NR5A1: variants seen among roughly 807,000 people sequenced by gnomAD.
The protein encoded by NR5A1 is steroidogenic factor 1.
In NR5A1, 6 loss-of-function variants were observed where a neutral mutation model predicts 42.7. The observed-to-expected ratio is 0.14, with a 90% confidence interval of 0.08 to 0.28. The LOEUF is 0.28. Ranked by LOEUF, NR5A1 falls within the 10% of genes least tolerant of loss-of-function variation. The probability of loss-of-function intolerance (pLI) is 1.00; values close to 1 mark genes in which losing one functional copy is unlikely to be tolerated. For missense variants in NR5A1, 442 were observed against 626.4 expected (o/e 0.71, Z 3.14); for synonymous variants, 274 against 277.5 (o/e 0.99, Z 0.12).
At chr9:124,493,349 A>G (rs1183243338) in intron 4 of NR5A1, among the ~76,000 whole-genome samples, 200 bp from the exon 5 acceptor site, 1 of 152,184 alleles carries the variant, frequency 6.6e-6, no homozygotes, top group Non-Finnish European at 1.5e-5. Context: ...TTGGGGGTTG[A>G]ATGGGCCAGG....
chr9:124,482,708 G>GGCCCC lies in NR5A1; in HGVS notation c.*49_*50insGGGGC. ...GCGGTGTGGCTGCGGCCCCGCCCAG[G>GGCCCC]CCCCGCCCCCAGTCCCGCCCCCAGT... On this transcript the variant is annotated 3_prime_UTR_variant, in exon 7 of 7. Transcript: ENST00000373588. The GGCCCC allele has an allele frequency of 1.8e-6, 1 of 558,002 alleles. No homozygotes were observed. Among genetic ancestry groups the GGCCCC allele is most frequent in the Non-Finnish European group, 3.2e-6 (1 of 308,298 alleles). The allele number at this position is 558,002 out of a possible 1,614,324, so 34.6% of individuals were successfully genotyped here. A position where few individuals can be genotyped will look rare whatever the true frequency, so the allele number is the denominator to read the frequency against.
At position 124,481,361 on chromosome 9, in the gene NR5A1, G is replaced by C. The variant is rs1045273219; in HGVS notation, c.*1397C>G. On this transcript the variant is annotated 3_prime_UTR_variant, in exon 7 of 7. Coordinates refer to ENST00000373588, the MANE Select transcript of NR5A1 (RefSeq NM_004959.5). ...GCACATGTTTCAGGGGGCGGGGAGG[G>C]GAGGTACTGAGACAGGGTGGCGGGA... is the stretch of plus-strand genomic sequence containing the variant. The C allele has an allele frequency of 6.6e-6, 1 of 151,992 alleles. No homozygotes were observed. Among genetic ancestry groups the C allele is most frequent in the African/African-American group, 2.4e-5 (1 of 41,260 alleles). The allele number at this position is 151,992 out of a possible 1,614,324, so 9.4% of individuals were successfully genotyped here.
intron 4 of NR5A1, among the ~76,000 whole-genome samples, chr9:124,499,273 G>A (rs575916793): frequency 6.6e-6 from 1 of 152,324 alleles, no homozygotes; most frequent in East Asian, 1.9e-4. Flanking sequence ...TCTTTCCTAT[G>A]TCTAGCCTCA....
intron 4 of NR5A1, among the ~76,000 whole-genome samples, chr9:124,493,675 G>A (rs574744564): frequency 5.9e-5 from 9 of 152,330 alleles, no homozygotes; most frequent in African/African-American, 2.2e-4. Flanking sequence ...CCGGGCCTAC[G>A]CAGAGCTCTC....
At position 124,503,315 on chromosome 9, in the gene NR5A1, C is replaced by T. The variant is rs765969078; in HGVS notation, c.81G>A (p.Leu27=). Residue 27 remains leucine (L), a synonymous_variant, in exon 2 of 7, where the codon CTG becomes CTA. Coordinates refer to ENST00000373588, the MANE Select transcript of NR5A1 (RefSeq NM_004959.5). This position sits in a 1 kb window ranked among gnomAD's most constrained non-coding sequence, Gnocchi z 9.6. ...TCACCTTGCAGCTCTCACACGTGAG[C>T]AGTCCGTAGTGGTAGCCGGACACCT... ...GDKVSGYHYG[L]LTCESCKGFF... is the part of the protein sequence containing the mutation. The T allele has an allele frequency of 6.2e-7, 1 of 1,611,732 alleles. No homozygotes were observed. The highest frequency in any genetic ancestry group is 8.5e-7 in the Non-Finnish European group (1 of 1,179,462).
chr9:124,485,084 G>C (rs1184962532), intron 6 of NR5A1, among the ~76,000 whole-genome samples: 1 of 152,156 alleles, frequency 6.6e-6, no homozygotes, highest in African/African-American at 2.4e-5. Flanking sequence ...TGGAGGGGGA[G>C]AGCCAGGGTC....
At chr9:124,492,050 C>G (rs1023892736) in intron 5 of NR5A1, among the ~76,000 whole-genome samples, 1 of 152,148 alleles carries the variant, frequency 6.6e-6, no homozygotes, top group Admixed American at 6.5e-5. Flanking sequence ...CCTCCTGCCC[C>G]GATGGCCTGT....
chr9:124,507,134 C>T (rs1832574472), intron 1 of NR5A1, 115 bp downstream of exon 1: 1 of 152,464 alleles, frequency 6.6e-6, no homozygotes, highest in African/African-American at 2.4e-5. Flanking sequence ...CCTTCCCTGC[C>T]CAGAGCAGGG....
intron 5 of NR5A1, 98 bp downstream of exon 5, chr9:124,492,932 C>A: frequency 7.2e-7 from 1 of 1,379,362 alleles, no homozygotes; most frequent in South Asian, 1.5e-5. Context: ...CAGAGCCAGC[C>A]CCGAGAGGCC....
At chr9:124,484,241 G>A (rs1043791241) in intron 6 of NR5A1, among the ~76,000 whole-genome samples, 10 of 152,174 alleles carry the variant, frequency 6.6e-5, no homozygotes, top group African/African-American at 2.4e-4. Flanking sequence ...AAAATCCTAA[G>A]CCAAAGCTCA....
chr9:124,500,455 G>A lies in NR5A1; in HGVS notation c.505C>T (p.Leu169=), dbSNP rs779656014. 6.3e-7 allele frequency: 1 copy of A among 1,590,082 alleles called. No individual in the cohort carries two copies. The highest frequency in any genetic ancestry group is 8.5e-7 in the Non-Finnish European group (1 of 1,170,074). Reference sequence around the variant, plus strand: ...TGGGCACCGGGCACGGCCATGGGCAGTGCTGGGGCCCCAAAGTCGCCCAGT... The same window carrying A: ...TGGGCACCGGGCACGGCCATGGGCAATGCTGGGGCCCCAAAGTCGCCCAGT... ...GPLGDFGAPA[L]PMAVPGAHGP... Residue 169 remains leucine (L), a synonymous_variant, in exon 4 of 7, where the codon CTG becomes TTG. Transcript: ENST00000373588. The surrounding 1 kb of genome is among the most constrained non-coding windows in gnomAD (Gnocchi z 6.9).
rs1157103327 is a variant in NR5A1 at position 124,498,569 on chromosome 9, CG to C, written c.870+1520del. The stretch of plus-strand genomic sequence containing the variant: ...TGCCCTGCTCCTCCTCCCCTCTGCA[CG>C]GGGGGTGCATGGGAAGTCTGGAGGG... On this transcript the variant is annotated intron_variant, in intron 4 of 6. Transcript: ENST00000373588. The surrounding 1 kb of genome is among the most constrained non-coding windows in gnomAD (Gnocchi z 4.6). Among the ~76,000 whole-genome samples, 7 of 152,198 alleles carry C rather than the reference CG, an allele frequency of 4.6e-5. No individual in the cohort carries two copies. The highest frequency in any genetic ancestry group is 8.8e-5 in the Non-Finnish European group (6 of 68,028).
At chr9:124,486,562 A>G (rs922713657) in intron 6 of NR5A1, among the ~76,000 whole-genome samples, 3 of 152,060 alleles carry the variant, frequency 2.0e-5, no homozygotes, top group Non-Finnish European at 4.4e-5. Flanking sequence ...TTTATGTCCC[A>G]TGCCATCCAT....
chr9:124,504,857 C>G (rs1046282294), intron 1 of NR5A1, among the ~76,000 whole-genome samples: 1 of 145,876 alleles, frequency 6.9e-6, no homozygotes, highest in Non-Finnish European at 1.5e-5. Context: ...GCGCGGGGGC[C>G]TCGGCTCCCC....
rs1395103825 is a variant in NR5A1, at chr9:124,496,300, G to A, written c.871-3151C>T. Among the ~76,000 whole-genome samples the A allele has an allele frequency of 6.6e-6, 1 of 152,190 alleles. No homozygotes were observed. Among genetic ancestry groups the A allele is most frequent in the African/African-American group, 2.4e-5 (1 of 41,448 alleles). ...TGGCTAAGAGGTTCCTTTAACCAGA[G>A]AGGGTTGGTTTTCACTTTCCGAAGT... On this transcript the variant is annotated intron_variant, in intron 4 of 6. Coordinates refer to ENST00000373588, the MANE Select transcript of NR5A1 (RefSeq NM_004959.5). The surrounding 1 kb of genome is among the most constrained non-coding windows in gnomAD (Gnocchi z 5.0).
chr9:124,501,614 GC>G lies in NR5A1; in HGVS notation c.245-900del. The stretch of plus-strand genomic sequence containing the variant: ...GGGGGGCTGCCTGGCCAATCTTCCT[GC>G]CCCCTGGGGTGGGCAGCGCTGTGCT... On this transcript the variant is annotated intron_variant, in intron 3 of 6. Coordinates refer to ENST00000373588, the MANE Select transcript of NR5A1 (RefSeq NM_004959.5). The surrounding 1 kb of genome is among the most constrained non-coding windows in gnomAD (Gnocchi z 4.1). Among the ~76,000 whole-genome samples the G allele has an allele frequency of 6.6e-6, 1 of 152,304 alleles. No homozygotes were observed. Among genetic ancestry groups the G allele is most frequent in the Middle Eastern group, 3.4e-3 (1 of 294 alleles).
chr9:124,496,628 G>C lies in NR5A1; in HGVS notation c.870+3462C>G, dbSNP rs1211876843. Reference sequence around the variant, plus strand: ...GGCCGGTGGGCTGTGTAATTCTCTGGTGGCTGACACACCACGGGCTGGCCA... The same window carrying C: ...GGCCGGTGGGCTGTGTAATTCTCTGCTGGCTGACACACCACGGGCTGGCCA... On this transcript the variant is annotated intron_variant, in intron 4 of 6. Coordinates refer to ENST00000373588, the MANE Select transcript of NR5A1 (RefSeq NM_004959.5). This position sits in a 1 kb window ranked among gnomAD's most constrained non-coding sequence, Gnocchi z 5.0. Among the ~76,000 whole-genome samples, 1 of 152,126 alleles carries C rather than the reference G, an allele frequency of 6.6e-6. No homozygotes were observed. Among genetic ancestry groups the C allele is most frequent in the Non-Finnish European group, 1.5e-5 (1 of 68,030 alleles).
At chr9:124,483,430 C>T (rs1033388930) in intron 6 of NR5A1, among the ~76,000 whole-genome samples, 1 of 152,196 alleles carries the variant, frequency 6.6e-6, no homozygotes, top group Non-Finnish European at 1.5e-5. Context: ...ATGGGCGTGA[C>T]GACAGTACCA....
chr9:124,500,739 G>C lies in NR5A1; in HGVS notation c.245-24C>G. 6.2e-7 allele frequency: 1 copy of C among 1,612,272 alleles called. No homozygotes were observed. The highest frequency in any genetic ancestry group is 8.5e-7 in the Non-Finnish European group (1 of 1,180,016). On this transcript the variant is annotated intron_variant, in intron 3 of 6. Transcript: ENST00000373588. This position sits in a 1 kb window ranked among gnomAD's most constrained non-coding sequence, Gnocchi z 6.9. ...GGCTGTGGGCAGGGGCAGAGGGTCA[G>C]ACTCACCCTCTCTAAGCCCCCTTCC...
Sources: allele counts gnomAD v4.1 joint callset (sites outside exome capture counted in the v4.1 genomes callset), GRCh38; gene constraint gnomAD v4.1.1; non-coding constraint Gnocchi (gnomAD v3.1); transcripts MANE v1.5; gene names NCBI Gene and HGNC (gene_info 2026-07-23, HGNC 2026-07-21).